The following MMP16 variants were observed in gnomAD, a reference collection of about 807,000 sequenced individuals.
MMP16 encodes the protein matrix metalloproteinase-16.
A neutral mutation model predicts 67.8 loss-of-function variants in MMP16; 12 were observed. That is an observed-to-expected ratio of 0.18 (90% CI 0.11 to 0.29). The LOEUF (loss-of-function observed/expected upper bound fraction) is 0.29, where lower values mean the gene tolerates loss of function less well. Ranked by LOEUF, MMP16 falls within the 10% of genes least tolerant of loss-of-function variation. The pLI is 1.00. For synonymous variants in MMP16, 249 were observed against 255.9 expected, an observed-to-expected ratio of 0.97 and a Z score of 0.26; for missense variants, 475 against 765.7, an observed-to-expected ratio of 0.62 and a Z score of 4.48.
intron 4 of MMP16, among the ~76,000 whole-genome samples, chr8:88,148,114 G>A (rs896649088): frequency 6.6e-6 from 1 of 151,932 alleles, no homozygotes; most frequent in Non-Finnish European, 1.5e-5. Context: ...CAATTTAATT[G>A]TTATGATTAC....
chr8:88,309,148 G>A (rs952194333), intron 1 of MMP16, among the ~76,000 whole-genome samples: 1 of 151,858 alleles, frequency 6.6e-6, no homozygotes, highest in Non-Finnish European at 1.5e-5. Context: ...CAGAAATTTC[G>A]TTACATAAAC....
chr8:88,176,078 G>C (rs912938388), intron 3 of MMP16, among the ~76,000 whole-genome samples: 13 of 152,188 alleles, frequency 8.5e-5, no homozygotes, highest in African/African-American at 2.9e-4. Flanking sequence ...AGGTAGTATT[G>C]TTACAATATT....
At chr8:88,186,297 C>T (rs1563556816) in intron 3 of MMP16, 179 bp downstream of exon 3, 5 of 650,010 alleles carry the variant, frequency 7.7e-6, no homozygotes, top group Non-Finnish European at 1.2e-5. Context: ...AGAGTGTCTA[C>T]ATAGGGTGTC....
At chr8:88,317,779 G>A (rs1330094799) in intron 1 of MMP16, among the ~76,000 whole-genome samples, 1 of 152,004 alleles carries the variant, frequency 6.6e-6, no homozygotes, top group Non-Finnish European at 1.5e-5. Context: ...CAATCTTAGG[G>A]CCTGAAGATT....
intron 3 of MMP16, among the ~76,000 whole-genome samples, chr8:88,171,670 T>C (rs577093819): frequency 6.6e-6 from 1 of 152,280 alleles, no homozygotes; most frequent in Admixed American, 6.5e-5. Flanking sequence ...TAATAGGTTT[T>C]GCTATGTAAA....
intron 1 of MMP16, among the ~76,000 whole-genome samples, chr8:88,314,219 A>AT (rs560327035): frequency 6.6e-6 from 1 of 152,028 alleles, no homozygotes; most frequent in Non-Finnish European, 1.5e-5. Flanking sequence ...ATGTATTGTA[A>AT]TTTTTATCTC....
intron 6 of MMP16, among the ~76,000 whole-genome samples, chr8:88,091,160 C>T (rs1433102737): frequency 6.6e-6 from 1 of 151,762 alleles, no homozygotes; most frequent in Non-Finnish European, 1.5e-5. Context: ...CAGATTTTCT[C>T]CTACTCCCAA....
chr8:88,227,110 T>G (rs1262906786), intron 1 of MMP16, among the ~76,000 whole-genome samples: 1 of 152,072 alleles, frequency 6.6e-6, no homozygotes. Flanking sequence ...ACAAAGAGAT[T>G]AAAATACATA....
chr8:88,034,430 T>C lies in MMP16; in HGVS notation c.*7031A>G, dbSNP rs1808028629. The stretch of plus-strand genomic sequence containing the variant: ...AGGCACACATACCCTTGCTTGGAAA[T>C]TGTTTGTTTGGAAGTAATTAAGATA... On this transcript the variant is annotated 3_prime_UTR_variant, in exon 10 of 10. Transcript: ENST00000286614. The C allele has an allele frequency of 6.6e-6, 1 of 152,324 alleles. No individual in the cohort carries two copies. The highest frequency in any genetic ancestry group is 6.6e-5 in the Admixed American group (1 of 15,212). 9.4% of individuals were successfully genotyped at this position (152,324 alleles called of 1,614,324 possible).
chr8:88,274,129 G>T (rs1338584035), intron 1 of MMP16, among the ~76,000 whole-genome samples: 1 of 152,096 alleles, frequency 6.6e-6, no homozygotes, highest in African/African-American at 2.4e-5. Flanking sequence ...AGAGTTGAGT[G>T]TCTGAGATTT....
intron 1 of MMP16, among the ~76,000 whole-genome samples, chr8:88,255,313 T>C (rs557215647): frequency 5.9e-5 from 9 of 152,296 alleles, no homozygotes; most frequent in African/African-American, 1.9e-4. Context: ...CCTTTCGCCA[T>C]GATTGTAAGC....
Position 88,042,949 on chromosome 8 carries a change from A to G in MMP16, c.1490-1154T>C, listed in dbSNP as rs28988873. On this transcript the variant is annotated intron_variant, in intron 9 of 9. Coordinates refer to ENST00000286614, the MANE Select transcript of MMP16 (RefSeq NM_005941.5). ...AAAAATCAAGAAATGTTTTAATGCT[A>G]TAATTACTTAAAACTATATTTTGGG... Among the ~76,000 whole-genome samples the G allele has an allele frequency of 3.7e-4, 56 of 152,364 alleles. 1 individual carries two copies. The East Asian group carries it at 0.01, about 27-fold the overall frequency.
chr8:88,284,101 G>C (rs1810785763), intron 1 of MMP16, among the ~76,000 whole-genome samples: 2 of 152,066 alleles, frequency 1.3e-5, no homozygotes, highest in Non-Finnish European at 1.5e-5. Flanking sequence ...GACACTATTA[G>C]GACAGTATTG....
At chr8:88,323,723 A>T (rs1264381239) in intron 1 of MMP16, among the ~76,000 whole-genome samples, 2 of 151,080 alleles carry the variant, frequency 1.3e-5, no homozygotes, top group Non-Finnish European at 2.9e-5. Context: ...ACGATATGAG[A>T]GGTATTACTA....
intron 3 of MMP16, among the ~76,000 whole-genome samples, chr8:88,184,785 A>G (rs13282191): frequency 2.8e-5 from 4 of 144,704 alleles, no homozygotes; most frequent in African/African-American, 5.1e-5. Context: ...AAAAGAAAAG[A>G]AAAAAGAATC....
intron 1 of MMP16, among the ~76,000 whole-genome samples, chr8:88,322,841 A>T (rs1811481626): frequency 6.6e-6 from 1 of 152,190 alleles, no homozygotes; most frequent in South Asian, 2.1e-4. Flanking sequence ...GACCTGAGTG[A>T]TCCGGCCCAG....
chr8:88,307,741 A>G (rs2130058445), intron 1 of MMP16, among the ~76,000 whole-genome samples: 1 of 152,178 alleles, frequency 6.6e-6, no homozygotes, highest in South Asian at 2.1e-4. Context: ...AGAATTAATA[A>G]GAGAACAAAA....
intron 1 of MMP16, among the ~76,000 whole-genome samples, chr8:88,258,752 CT>C (rs201819886): frequency 0.017 from 2,630 of 152,244 alleles, 54 homozygotes; most frequent in African/African-American, 0.047. Flanking sequence ...TATTGTTCGC[CT>C]ATCTCAATAA....
chr8:88,258,880 T>C (rs1429910951), intron 1 of MMP16, among the ~76,000 whole-genome samples: 1 of 152,208 alleles, frequency 6.6e-6, no homozygotes, highest in Admixed American at 6.5e-5. Flanking sequence ...GAGTTCTATT[T>C]AACATATCTT....
Sources: gnomAD v4.1 joint callset for allele counts (sites outside exome capture counted in the v4.1 genomes callset) on GRCh38, gnomAD v4.1.1 for gene constraint, MANE v1.5 for transcripts, NCBI Gene and HGNC (gene_info 2026-07-23, HGNC 2026-07-21) for gene names.